The following GCC2 variants were observed in gnomAD, a reference collection of about 807,000 sequenced individuals.
The protein encoded by GCC2 is GRIP and coiled-coil domain containing 2.
GCC2 carries 120 observed loss-of-function variants against 210.6 expected under a neutral mutation model. The ratio of observed to expected loss-of-function variants is 0.57; its 90% CI spans 0.49 to 0.66. GCC2 has a LOEUF of 0.66. GCC2 is among the 30% of genes least tolerant of loss of function. GCC2 has a pLI of 0.00. For synonymous variants in GCC2, 703 were observed against 652.7 expected, an observed-to-expected ratio of 1.08 and a Z score of -1.17; for missense variants, 1,868 against 1,871.9, an observed-to-expected ratio of 1.00 and a Z score of 0.04.
chr2:108,502,749 C>G (rs142892256), intron 22 of GCC2, among the ~76,000 whole-genome samples: 1 of 151,784 alleles, frequency 6.6e-6, no homozygotes, highest in Admixed American at 6.6e-5. Context: ...ATGGTGAAAC[C>G]CCGTCTCTAC....
At position 108,459,745 on chromosome 2, in the gene GCC2, C is replaced by CTTTTTTTTTTTTTTTTTTTTT. The variant is rs34052393; in HGVS notation, c.216+7292_216+7312dup. Among the ~76,000 whole-genome samples, 247 of 26,762 alleles carry CTTTTTTTTTTTTTTTTTTTTT rather than the reference C, an allele frequency of 9.2e-3. 32 individuals carry two copies. The highest frequency in any genetic ancestry group is 0.059 in the East Asian group (18 of 306). 17.6% of individuals were successfully genotyped at this position (26,762 alleles called of 152,430 possible). A position where few individuals can be genotyped will look rare whatever the true frequency, so the allele number is the denominator to read the frequency against. On this transcript the variant is annotated intron_variant, in intron 4 of 22. Transcript: ENST00000309863. The stretch of plus-strand genomic sequence containing the variant: ...GCCATTAGATAATGACCTTCTTTGT[C>CTTTTTTTTTTTTTTTTTTTTT]TTTTTTTTTTTTTTTTTTTTTTTTT...
intron 20 of GCC2, chr2:108,496,407 A>G (rs1359882482): frequency 1.9e-5 from 3 of 157,908 alleles, no homozygotes; most frequent in African/African-American, 7.3e-5. Context: ...TAGAAACTGC[A>G]AGTCATGGTT....
intron 4 of GCC2, among the ~76,000 whole-genome samples, chr2:108,453,740 G>A (rs1680086553): frequency 6.7e-6 from 1 of 150,332 alleles, no homozygotes; most frequent in Non-Finnish European, 1.5e-5. Context: ...AGTTGAGATT[G>A]AGCCACTGTA....
Position 108,470,801 on chromosome 2 carries a change from A to C in GCC2, c.1472A>C (p.Gln491Pro), listed in dbSNP as rs183575645. The C allele has an allele frequency of 3.1e-6, 5 of 1,613,796 alleles. No homozygotes were observed. In the East Asian group the frequency reaches 1.1e-4, roughly 36 times the overall value. ...ESLREIMEIL[Q>P]TELGESAGKI... ...TTACGAGAGATTATGGAAATTTTACAAACAGAACTGGGGGAATCTGCTGGA... is the reference window on the plus strand; with the variant it reads ...TTACGAGAGATTATGGAAATTTTACCAACAGAACTGGGGGAATCTGCTGGA... The change falls in exon 6 of 23, where the codon CAA (glutamine) becomes CCA (proline). Residue 491 changes from glutamine to proline, a missense_variant. Gln to Pro is a moderately conservative substitution (Grantham distance 76, BLOSUM62 -1). Coordinates refer to ENST00000309863, the MANE Select transcript of GCC2 (RefSeq NM_181453.4).
At chr2:108,490,058 A>G in intron 18 of GCC2, 44 bp downstream of exon 18, 6 of 1,355,702 alleles carry the variant, frequency 4.4e-6, no homozygotes, top group Non-Finnish European at 5.0e-6. Context: ...ACAGCAATGT[A>G]TTTCTTTGTT....
intron 4 of GCC2, among the ~76,000 whole-genome samples, chr2:108,460,093 C>T (rs1181911421): frequency 1.3e-5 from 2 of 152,088 alleles, no homozygotes; most frequent in Non-Finnish European, 2.9e-5. Context: ...TCAGGTGATC[C>T]ACCCATCTCA....
At chr2:108,500,404 T>C (rs1682859521) in intron 22 of GCC2, among the ~76,000 whole-genome samples, 1 of 152,122 alleles carries the variant, frequency 6.6e-6, no homozygotes, top group Non-Finnish European at 1.5e-5. Context: ...TCCCAGCTAC[T>C]CAGGAGATTG....
chr2:108,487,010 A>G (rs1322115364), intron 16 of GCC2, among the ~76,000 whole-genome samples: 1 of 152,194 alleles, frequency 6.6e-6, no homozygotes, highest in Non-Finnish European at 1.5e-5. Context: ...CTTTCTTGTC[A>G]TCATCCAAAA....
chr2:108,484,259 G>A lies in GCC2; in HGVS notation c.3561G>A (p.Glu1187=). The A allele has an allele frequency of 6.4e-7, 1 of 1,561,144 alleles. No individual in the cohort carries two copies. The highest frequency in any genetic ancestry group is 8.7e-7 in the Non-Finnish European group (1 of 1,153,114). ...TNKNNKIEDL[E]QEIKIQKQKQ... is the part of the protein sequence containing the mutation. ...AAAACAACAAGATAGAAGATTTGGA[G>A]CAAGAAATAAAAATTCAAAAACAGA... The change falls in exon 13 of 23, where the codon GAG becomes GAA. Residue 1187 remains glutamate (E), a synonymous_variant. Transcript: ENST00000309863.
chr2:108,481,698 A>G lies in GCC2; in HGVS notation c.3062A>G (p.Asn1021Ser). 1.3e-6 allele frequency: 2 copies of G among 1,580,758 alleles called. No homozygotes were observed. ...DLIQGAESYK[N>S]LLLEYEKQSE... ...AGTTAAATCCTTCTTTTATTGAAGA[A>G]TCTTTTATTAGAATATGAAAAGCAG... Residue 1021 changes from asparagine (N) to serine (S), a missense_variant and splice_region_variant, in exon 10 of 23, where the codon AAT becomes AGT. Around this residue, in one of 3 missense-constraint regions of GCC2, gnomAD observed 1,847 missense variants for 1,765.2 expected, o/e 1.05. Coordinates refer to ENST00000309863, the MANE Select transcript of GCC2 (RefSeq NM_181453.4).
intron 4 of GCC2, among the ~76,000 whole-genome samples, chr2:108,452,675 A>C: frequency 7.9e-6 from 1 of 126,774 alleles, no homozygotes; most frequent in South Asian, 2.5e-4. Context: ...CTTCCCACGT[A>C]TTTTCTTTTT....
At position 108,471,072 on chromosome 2, in the gene GCC2, G is replaced by A. The variant is rs1184380647; in HGVS notation, c.1743G>A (p.Met581Ile). 1 of 1,584,112 alleles carries A rather than the reference G, an allele frequency of 6.3e-7. No homozygotes were observed. The highest frequency in any genetic ancestry group is 2.2e-5 in the East Asian group (1 of 44,710). The change falls in exon 6 of 23, where the codon ATG (methionine) becomes ATA (isoleucine). Residue 581 changes from methionine (M) to isoleucine (I), a missense_variant. Around this residue, in one of 3 missense-constraint regions of GCC2, gnomAD observed 1,847 missense variants for 1,765.2 expected, o/e 1.05. Transcript: ENST00000309863. ...TTAGTCTCAGTCAAAGAGATACCAT[G>A]TTAAAAGAATTAGAAGGAAAGATAA... The part of the protein sequence containing the change: ...YLLSLSQRDT[M>I]LKELEGKINS...
At chr2:108,460,737 TC>T (rs1316334862) in intron 4 of GCC2, among the ~76,000 whole-genome samples, 1 of 152,190 alleles carries the variant, frequency 6.6e-6, no homozygotes, top group Non-Finnish European at 1.5e-5. Context: ...TGGATTTGTG[TC>T]CCTGCCCAAA....
At position 108,492,591 on chromosome 2, in the gene GCC2, A is replaced by G. The variant is rs1363521410; in HGVS notation, c.4248A>G (p.Ser1416=). The G allele has an allele frequency of 6.2e-7, 1 of 1,610,318 alleles. No homozygotes were observed. The highest frequency in any genetic ancestry group is 2.2e-5 in the East Asian group (1 of 44,868). ...ELREKLCSIQ[S]ENMMMKSEHT... ...CTTTCAGATTGTGTTCAATACAGTC[A>G]GAGAACATGATGATGAAATCTGAAC... Residue 1416 remains serine, a synonymous_variant, in exon 19 of 23, where the codon TCA becomes TCG. Coordinates refer to ENST00000309863, the MANE Select transcript of GCC2 (RefSeq NM_181453.4).
chr2:108,472,057 A>C lies in GCC2; in HGVS notation c.2728A>C (p.Lys910Gln). ...KCFIKEHENL[K>Q]PLLEQKELRD... ...TTTTATAAAGGAACATGAAAACCTAAAGCCACTACTAGAACAAAAAGAATT... is the reference window on the plus strand; with the variant it reads ...TTTTATAAAGGAACATGAAAACCTACAGCCACTACTAGAACAAAAAGAATT... Residue 910 changes from lysine to glutamine, a missense_variant, in exon 6 of 23, where the codon AAG becomes CAG. Physicochemically the swap from Lys to Gln is moderately conservative, Grantham distance 53. Around this residue, in one of 3 missense-constraint regions of GCC2, gnomAD observed 1,847 missense variants for 1,765.2 expected, o/e 1.05. Transcript: ENST00000309863. 1 of 1,585,556 alleles carries C rather than the reference A, an allele frequency of 6.3e-7. No individual in the cohort carries two copies. Among genetic ancestry groups the C allele is most frequent in the South Asian group, 1.2e-5 (1 of 84,564 alleles).
At position 108,495,383 on chromosome 2, in the gene GCC2, G is replaced by C. The variant is rs770040610; in HGVS notation, c.4540G>C (p.Glu1514Gln). The change falls in exon 20 of 23, where the codon GAG (glutamate) becomes CAG (glutamine). Residue 1514 changes from glutamate (E) to glutamine (Q), a missense_variant. Coordinates refer to ENST00000309863, the MANE Select transcript of GCC2 (RefSeq NM_181453.4). ...LLDMHTVTRE[E>Q]GEGMETTDTE... The stretch of plus-strand genomic sequence containing the variant: ...AGACATGCACACTGTAACCCGGGAA[G>C]AGGGAGAAGGCATGGAGACAACTGA... The C allele has an allele frequency of 1.8e-5, 28 of 1,576,054 alleles. No homozygotes were observed. The African/African-American group carries it at 3.5e-4, about 20-fold the overall frequency.
intron 7 of GCC2, 122 bp from the exon 8 acceptor site, chr2:108,475,412 CT>C (rs1165250507): frequency 5.1e-5 from 26 of 508,618 alleles, no homozygotes; most frequent in African/African-American, 5.0e-4. Flanking sequence ...ACTGTTTTTA[CT>C]GCTTATTTTA....
Position 108,470,254 on chromosome 2 carries a change from G to A in GCC2, c.925G>A (p.Ala309Thr). Residue 309 changes from alanine to threonine, a missense_variant, in exon 6 of 23, where the codon GCA becomes ACA. Around this residue, in one of 3 missense-constraint regions of GCC2, gnomAD observed 1,847 missense variants for 1,765.2 expected, o/e 1.05. Coordinates refer to ENST00000309863, the MANE Select transcript of GCC2 (RefSeq NM_181453.4). ...AAATTTAAGGAAAGCCACCTCAAATGCAAACCAAGACAATCAGATATGTTC... is the reference window on the plus strand; with the variant it reads ...AAATTTAAGGAAAGCCACCTCAAATACAAACCAAGACAATCAGATATGTTC... ...LENLRKATSN[A>T]NQDNQICSIL... The A allele has an allele frequency of 6.2e-7, 1 of 1,613,530 alleles. No homozygotes were observed. The highest frequency in any genetic ancestry group is 1.3e-5 in the African/African-American group (1 of 75,008).
rs1573215944 is a variant in GCC2 at position 108,486,634 on chromosome 2, T to A, written c.3916T>A (p.Cys1306Ser). ...GAGAGTGACAGCACTACAGGAAGAG[T>A]GCCGTGCTGCCAAGGTGCGTTCTTC... ...QQRVTALQEE[C>S]RAAKAEQATV... The change falls in exon 16 of 23, where the codon TGC becomes AGC. Residue 1306 changes from cysteine (C) to serine (S), a missense_variant. Cys to Ser is a moderately radical substitution (Grantham distance 112, BLOSUM62 -1). This residue lies in a region of GCC2 where 1,847 missense variants were observed against 1,765.2 expected (regional missense o/e 1.05). Transcript: ENST00000309863. 1 of 1,612,088 alleles carries A rather than the reference T, an allele frequency of 6.2e-7. No individual in the cohort carries two copies. Among genetic ancestry groups the A allele is most frequent in the Non-Finnish European group, 8.5e-7 (1 of 1,179,266 alleles).
Sources: gnomAD v4.1 joint callset for allele counts (sites outside exome capture counted in the v4.1 genomes callset) on GRCh38, gnomAD v4.1.1 for gene constraint, gnomAD v4.1.1 regional missense constraint, MANE v1.5 for transcripts, NCBI Gene and HGNC (gene_info 2026-07-23, HGNC 2026-07-21) for gene names.